The following RCN1 variants were observed in gnomAD, a reference collection of about 807,000 sequenced individuals.
RCN1 encodes the protein reticulocalbin-1.
In RCN1, 14 loss-of-function variants were observed where a neutral mutation model predicts 34.7. That is an observed-to-expected ratio of 0.40 (90% CI 0.27 to 0.63). The LOEUF is 0.63. Among genes scored for constraint, RCN1 ranks in the 30% least tolerant of loss-of-function variants. The pLI is 0.37. For synonymous variants in RCN1, 125 were observed against 165.5 expected (o/e 0.76, Z 1.88); for missense variants, 326 against 425.1 (o/e 0.77, Z 2.05).
At position 32,091,501 on chromosome 11, in the gene RCN1, C is replaced by T. The variant is rs375873456; in HGVS notation, c.254+51C>T. The T allele has an allele frequency of 1.3e-3, 1,911 of 1,521,746 alleles. 16 individuals carry two copies. The highest frequency in any genetic ancestry group is 6.9e-4 in the South Asian group (56 of 80,724). 94.3% of individuals were successfully genotyped at this position (1,521,746 alleles called of 1,614,324 possible). On this transcript the variant is annotated intron_variant, in intron 1 of 5. Coordinates refer to ENST00000054950, the MANE Select transcript of RCN1 (RefSeq NM_002901.4). ...GGGGGCGGCGCAGGTGTCCGAGGGC[C>T]GCCTGGGCGAGAGCCACGCGGGATA...
Position 32,097,446 on chromosome 11 carries a change from C to T in RCN1, c.448+109C>T, listed in dbSNP as rs537087959. 7.1e-6 allele frequency: 5 copies of T among 699,706 alleles called. No homozygotes were observed. In the South Asian group the frequency reaches 1.7e-4, roughly 23 times the overall value. 43.3% of individuals were successfully genotyped at this position (699,706 alleles called of 1,614,324 possible). On this transcript the variant is annotated intron_variant, in intron 2 of 5. Coordinates refer to ENST00000054950, the MANE Select transcript of RCN1 (RefSeq NM_002901.4). ...ACTCCCTTCAGGGAGATGTCACAGCCTCCTAAGTAGAACCTGCTTGTATAA... is the reference window on the plus strand; with the variant it reads ...ACTCCCTTCAGGGAGATGTCACAGCTTCCTAAGTAGAACCTGCTTGTATAA...
At chr11:32,100,869 A>C (rs569162772) in intron 4 of RCN1, among the ~76,000 whole-genome samples, 1 of 152,284 alleles carries the variant, frequency 6.6e-6, no homozygotes, top group East Asian at 1.9e-4. Flanking sequence ...CATGACTCTG[A>C]GAGGTGCCCT....
At chr11:32,092,420 C>A (rs1415840396) in intron 1 of RCN1, among the ~76,000 whole-genome samples, 1 of 152,082 alleles carries the variant, frequency 6.6e-6, no homozygotes, top group African/African-American at 2.4e-5. Flanking sequence ...GGAAACGGTT[C>A]GCCTGAAACG....
At chr11:32,098,609 G>T (rs763946629) in intron 3 of RCN1, 81 bp downstream of exon 3, 5 of 1,157,684 alleles carry the variant, frequency 4.3e-6, no homozygotes, top group Non-Finnish European at 6.0e-6. Context: ...AAAGAGAGAA[G>T]ATTTTTCAGC....
At chr11:32,098,296 C>A (rs773177414) in intron 2 of RCN1, 54 bp from the exon 3 acceptor site, 1 of 1,500,790 alleles carries the variant, frequency 6.7e-7, no homozygotes, top group East Asian at 2.3e-5. Flanking sequence ...TGGCAGGAAA[C>A]GCCTTTCTTG....
chr11:32,097,042 C>T (rs1361298728), intron 1 of RCN1, 102 bp from the exon 2 acceptor site: 2 of 894,630 alleles, frequency 2.2e-6, no homozygotes, highest in East Asian at 5.7e-5. Flanking sequence ...TTGGATTGTG[C>T]AGGTGTTTGA....
At chr11:32,099,923 G>C (rs1186346464) in intron 3 of RCN1, among the ~76,000 whole-genome samples, 1 of 152,158 alleles carries the variant, frequency 6.6e-6, no homozygotes, top group Non-Finnish European at 1.5e-5. Context: ...CGAGCCTTTG[G>C]GAGTGGCTCT....
At chr11:32,096,896 C>T in intron 1 of RCN1, 1 of 427,388 alleles carries the variant, frequency 2.3e-6, no homozygotes, top group Non-Finnish European at 4.1e-6. Context: ...TTTATCAGGA[C>T]AGAGGGGCAC....
Position 32,100,567 on chromosome 11 carries a change from A to G in RCN1, c.647A>G (p.Asp216Gly). The stretch of plus-strand genomic sequence containing the variant: ...TCCTAGGAAACCCTGGAGGACATCG[A>G]CAAGAACGGGGATGGGTTTGTGGAT... ...IVVLETLEDI[D>G]KNGDGFVDQD... Residue 216 changes from aspartate (D) to glycine (G), a missense_variant, in exon 4 of 6, where the codon GAC (aspartate) becomes GGC (glycine). Transcript: ENST00000054950. The G allele has an allele frequency of 1.2e-6, 2 of 1,614,078 alleles. No homozygotes were observed. Among genetic ancestry groups the G allele is most frequent in the Non-Finnish European group, 1.7e-6 (2 of 1,179,950 alleles).
intron 1 of RCN1, among the ~76,000 whole-genome samples, chr11:32,094,837 T>G (rs1851955257): frequency 6.6e-6 from 1 of 152,176 alleles, no homozygotes; most frequent in South Asian, 2.1e-4. Flanking sequence ...GATCCAGGTG[T>G]TCTGATGAAA....
In RCN1 at chr11:32,104,918, T is replaced by C. The variant is rs146707827; in HGVS notation, c.*446T>C. 2.8e-3 allele frequency: 497 copies of C among 176,914 alleles called. 1 individual carries two copies. Among genetic ancestry groups the C allele is most frequent in the African/African-American group, 0.012 (480 of 41,694 alleles). 11.0% of individuals were successfully genotyped at this position (176,914 alleles called of 1,614,324 possible). A position where few individuals can be genotyped will look rare whatever the true frequency, so the allele number is the denominator to read the frequency against. ...AGGGGAAATTCTGATTAAGCGAAAG[T>C]GGTATCATCCTAGGTAAGCTTATTT... On this transcript the variant is annotated 3_prime_UTR_variant, in exon 6 of 6. Transcript: ENST00000054950.
Position 32,095,447 on chromosome 11 carries a change from G to A in RCN1, c.255-1697G>A, listed in dbSNP as rs186984792. Among the ~76,000 whole-genome samples the A allele has an allele frequency of 1.3e-3, 197 of 151,680 alleles. 2 individuals are homozygous for A. Among genetic ancestry groups the A allele is most frequent in the East Asian group, 8.4e-3 (43 of 5,100 alleles). ...TTTTGAGACGGAGTCTTGCCCTGTC[G>A]CCCAGGCTGGAGTGCAGTGGCGTGA... On this transcript the variant is annotated intron_variant, in intron 1 of 5. Transcript: ENST00000054950.
rs1404711539 is a variant in RCN1 at position 32,098,403 on chromosome 11, C to G, written c.502C>G (p.Leu168Val). 1 of 1,613,854 alleles carries G rather than the reference C, an allele frequency of 6.2e-7. No homozygotes were observed. The highest frequency in any genetic ancestry group is 8.5e-7 in the Non-Finnish European group (1 of 1,179,912). Reference sequence around the variant, plus strand: ...AGATCATCACACCTTTAAAAAGATGCTGCCACGTGATGAGAGAAGATTCAA... The same window carrying G: ...AGATCATCACACCTTTAAAAAGATGGTGCCACGTGATGAGAGAAGATTCAA... ...SSDHHTFKKM[L>V]PRDERRFKAA... Residue 168 changes from leucine (L) to valine (V), a missense_variant, in exon 3 of 6, where the codon CTG becomes GTG. By Grantham distance (32) the Leu-to-Val change is conservative. Coordinates refer to ENST00000054950, the MANE Select transcript of RCN1 (RefSeq NM_002901.4).
chr11:32,104,598 G>T lies in RCN1; in HGVS notation c.*126G>T, dbSNP rs1022203986. 3 of 588,668 alleles carry T rather than the reference G, an allele frequency of 5.1e-6. No individual in the cohort carries two copies. Among genetic ancestry groups the T allele is most frequent in the Admixed American group, 6.1e-5 (2 of 32,828 alleles). The allele number at this position is 588,668 out of a possible 1,614,324, so 36.5% of individuals were successfully genotyped here. ...AAGCAAGTTTATACCTCAGATTGGG[G>T]TATAAAAATTGTTTTTCGCTCAGTA... is the stretch of plus-strand genomic sequence containing the variant. On this transcript the variant is annotated 3_prime_UTR_variant, in exon 6 of 6. Coordinates refer to ENST00000054950, the MANE Select transcript of RCN1 (RefSeq NM_002901.4).
At chr11:32,095,335 C>T (rs1322041935) in intron 1 of RCN1, among the ~76,000 whole-genome samples, 2 of 152,020 alleles carry the variant, frequency 1.3e-5, no homozygotes, top group Non-Finnish European at 2.9e-5. Context: ...CAGCCTCGAC[C>T]TCCTGGGCTC....
rs199597873 is a variant in RCN1, at chr11:32,104,432, A to G, written c.956A>G (p.Asn319Ser). 11 of 1,549,638 alleles carry G rather than the reference A, an allele frequency of 7.1e-6. No individual in the cohort carries two copies. The highest frequency in any genetic ancestry group is 2.3e-5 in the East Asian group (1 of 44,308). The change falls in exon 6 of 6, where the codon AAT becomes AGT. Residue 319 changes from asparagine (N) to serine (S), a missense_variant. Coordinates refer to ENST00000054950, the MANE Select transcript of RCN1 (RefSeq NM_002901.4). ...ATGTTTGTCGGAAGCCAAGCTACCA[A>G]TTACGGGGAAGATCTCACAAAAAAT... is the stretch of plus-strand genomic sequence containing the variant. ...WNMFVGSQAT[N>S]YGEDLTKNHD...
Position 32,091,113 on chromosome 11 carries a change from G to T in RCN1, c.-84G>T. Reference sequence around the variant, plus strand: ...CGCCGGCCCCAACCCTGTCGCTGCCGCCGCGCTCCGAGTCCCCATTCCCGA... The same window carrying T: ...CGCCGGCCCCAACCCTGTCGCTGCCTCCGCGCTCCGAGTCCCCATTCCCGA... On this transcript the variant is annotated 5_prime_UTR_variant, in exon 1 of 6. Coordinates refer to ENST00000054950, the MANE Select transcript of RCN1 (RefSeq NM_002901.4). 2 of 1,354,938 alleles carry T rather than the reference G, an allele frequency of 1.5e-6. No homozygotes were observed. The highest frequency in any genetic ancestry group is 3.1e-5 in the African/African-American group (2 of 64,598). 83.9% of individuals were successfully genotyped at this position (1,354,938 alleles called of 1,614,324 possible). A position where few individuals can be genotyped will look rare whatever the true frequency, so the allele number is the denominator to read the frequency against.
intron 1 of RCN1, chr11:32,096,858 T>G: frequency 3.0e-6 from 1 of 328,162 alleles, no homozygotes; most frequent in South Asian, 1.1e-4. Context: ...CAGAGCACAG[T>G]GCTGAGAATT....
chr11:32,103,054 A>T lies in RCN1; in HGVS notation c.689-227A>T, dbSNP rs764327357. 54 of 636,354 alleles carry T rather than the reference A, an allele frequency of 8.5e-5. No individual in the cohort carries two copies. In the Middle Eastern group the frequency reaches 1.3e-3, roughly 15 times the overall value. 39.4% of individuals were successfully genotyped at this position (636,354 alleles called of 1,614,324 possible). The stretch of plus-strand genomic sequence containing the variant: ...TGAACTAAGTCAAAAGCCGGGATTT[A>T]TCTTTTGGCTTCTAAACTCAGTTCT... On this transcript the variant is annotated intron_variant, in intron 4 of 5. Transcript: ENST00000054950.
Sources: allele counts gnomAD v4.1 joint callset (sites outside exome capture counted in the v4.1 genomes callset), GRCh38; gene constraint gnomAD v4.1.1; transcripts MANE v1.5; gene names NCBI Gene and HGNC (gene_info 2026-07-23, HGNC 2026-07-21).